Variants in ASPRV1 observed in about 807,000 individuals in gnomAD.
ASPRV1 encodes aspartic peptidase retroviral like 1, also known as retroviral-like aspartic protease 1.
ASPRV1 carries 7 observed loss-of-function variants against 11.0 expected under a neutral mutation model. The observed-to-expected ratio is 0.64, with a 90% CI of 0.36 to 1.20. The LOEUF (loss-of-function observed/expected upper bound fraction) is 1.20. Ranked by LOEUF, ASPRV1 falls within the 50% of genes most tolerant of loss-of-function variation. The pLI is 0.02. For synonymous variants in ASPRV1, 136 were observed against 138.4 expected (o/e 0.98, Z 0.12); for missense variants, 299 against 320.0 (o/e 0.93, Z 0.50).
chr2:70,013,342 C>CAA, the ASPRV1 span, among the ~76,000 whole-genome samples: 1 of 150,834 alleles, frequency 6.6e-6, no homozygotes, highest in African/African-American at 2.4e-5. Flanking sequence ...GATGACATAA[C>CAA]AAAGAAGAGT....
At chr2:70,018,633 A>T in the ASPRV1 span, among the ~76,000 whole-genome samples, 1 of 152,254 alleles carries the variant, frequency 6.6e-6, no homozygotes, top group Non-Finnish European at 1.5e-5. Context: ...ATTTACAGTC[A>T]ACTGATTTTC....
At chr2:70,035,732 G>T in the ASPRV1 span, among the ~76,000 whole-genome samples, 1 of 151,162 alleles carries the variant, frequency 6.6e-6, no homozygotes, top group Non-Finnish European at 1.5e-5. Context: ...CTGCCAGTTG[G>T]AAAACTGAAG....
At chr2:70,022,522 CA>C in the ASPRV1 span, among the ~76,000 whole-genome samples, 3 of 151,162 alleles carry the variant, frequency 2.0e-5, no homozygotes, top group Non-Finnish European at 4.4e-5. Flanking sequence ...CTCAACTCTA[CA>C]AAAAACAAAA....
the ASPRV1 span, among the ~76,000 whole-genome samples, chr2:69,988,059 TGG>T: frequency 6.6e-6 from 1 of 152,246 alleles, no homozygotes; most frequent in Non-Finnish European, 1.5e-5. Flanking sequence ...GCATTGCCAG[TGG>T]GTATGTAAAG....
chr2:70,020,501 G>A, the ASPRV1 span, among the ~76,000 whole-genome samples: 2 of 152,186 alleles, frequency 1.3e-5, no homozygotes, highest in African/African-American at 4.8e-5. Context: ...CCACCACTTC[G>A]AGAGGCAGAG....
At chr2:69,971,461 G>A in the ASPRV1 span, among the ~76,000 whole-genome samples, 11 of 152,056 alleles carry the variant, frequency 7.2e-5, no homozygotes, top group Non-Finnish European at 1.0e-4. Context: ...AGAATAGAAC[G>A]TTAGGACCCT....
the ASPRV1 span, chr2:69,941,861 TATACACAC>T: frequency 6.9e-4 from 105 of 151,366 alleles, no homozygotes; most frequent in African/African-American, 2.5e-3. Context: ...AGTATCTATA[TATACACAC>T]ACACACACAC....
At chr2:69,951,463 GTGTGTGTGTGTGTGTGTGTGTA>G in the ASPRV1 span, among the ~76,000 whole-genome samples, 5 of 132,238 alleles carry the variant, frequency 3.8e-5, no homozygotes, top group Non-Finnish European at 7.6e-5. Flanking sequence ...GTGTGTGTGT[GTGTGTGTGTGTGTGTGTGTGTA>G]TATCTATATG....
the ASPRV1 span, chr2:69,942,301 T>A: frequency 6.6e-6 from 1 of 152,232 alleles, no homozygotes; most frequent in Admixed American, 6.5e-5. Context: ...GACTGTAGGA[T>A]GCTTTGCTTT....
the ASPRV1 span, chr2:69,935,475 T>C: frequency 6.4e-7 from 1 of 1,561,410 alleles, no homozygotes; most frequent in African/African-American, 1.4e-5. Context: ...GGTAAGTGTA[T>C]TGTTGGGATG....
the ASPRV1 span, among the ~76,000 whole-genome samples, chr2:69,985,364 G>A: frequency 6.6e-6 from 1 of 152,110 alleles, no homozygotes; most frequent in Non-Finnish European, 1.5e-5. Flanking sequence ...TCCTTCCCTT[G>A]TTTCATGACG....
chr2:70,028,239 C>T, the ASPRV1 span, among the ~76,000 whole-genome samples: 4 of 152,074 alleles, frequency 2.6e-5, no homozygotes, highest in African/African-American at 9.7e-5. Flanking sequence ...ATACTGAGAA[C>T]GGAGTGTGAT....
chr2:70,062,317 T>A, the ASPRV1 span, among the ~76,000 whole-genome samples: 1 of 151,844 alleles, frequency 6.6e-6, no homozygotes, highest in East Asian at 1.9e-4. Flanking sequence ...AAAAAATACA[T>A]ATATATATGA....
chr2:70,025,668 C>T, the ASPRV1 span, among the ~76,000 whole-genome samples: 1 of 152,234 alleles, frequency 6.6e-6, no homozygotes, highest in South Asian at 2.1e-4. Context: ...GGTAAACCAT[C>T]TACCTTGCTC....
chr2:70,042,158 T>A, the ASPRV1 span, among the ~76,000 whole-genome samples: 1 of 152,228 alleles, frequency 6.6e-6, no homozygotes, highest in African/African-American at 2.4e-5. Flanking sequence ...CTATTTCCCT[T>A]TTGGAGTTTT....
chr2:69,933,850 A>G, the ASPRV1 span, among the ~76,000 whole-genome samples: 80,880 of 152,124 alleles, frequency 0.53, 23,458 homozygotes, highest in African/African-American at 0.78. Flanking sequence ...GGGCAAACCT[A>G]TAAGGCATTG....
the ASPRV1 span, among the ~76,000 whole-genome samples, chr2:70,053,337 G>A: frequency 1.3e-5 from 2 of 151,950 alleles, no homozygotes; most frequent in Admixed American, 1.3e-4. Flanking sequence ...AATCCACATT[G>A]TTGGTGCCTG....
chr2:69,953,706 CT>C, the ASPRV1 span, among the ~76,000 whole-genome samples: 31,852 of 151,152 alleles, frequency 0.21, 4,455 homozygotes, highest in East Asian at 0.38. Flanking sequence ...CTTTTTTTTT[CT>C]TTTTTTTCTT....
At chr2:70,043,560 T>A in the ASPRV1 span, among the ~76,000 whole-genome samples, 2 of 152,252 alleles carry the variant, frequency 1.3e-5, no homozygotes, top group Non-Finnish European at 2.9e-5. Context: ...TTGTCATCGC[T>A]TTTTGCATGG....
Sources: gnomAD v4.1 joint callset for allele counts (sites outside exome capture counted in the v4.1 genomes callset) on GRCh38, gnomAD v4.1.1 for gene constraint, MANE v1.5 for transcripts, NCBI Gene and HGNC (gene_info 2026-07-23, HGNC 2026-07-21) for gene names.